Variants in FAM81A observed in about 807,000 individuals in gnomAD.
FAM81A encodes the protein protein FAM81A.
FAM81A carries 19 observed loss-of-function variants against 46.7 expected under a neutral mutation model. That is an observed-to-expected ratio of 0.41 (90% CI 0.28 to 0.60). The LOEUF (loss-of-function observed/expected upper bound fraction) is 0.60, where lower values mean the gene tolerates loss of function less well. Among genes scored for constraint, FAM81A ranks in the 20% least tolerant of loss-of-function variants. The pLI, the probability that FAM81A is intolerant of heterozygous loss-of-function variation, is 0.34. For missense variants in FAM81A, 377 were observed against 453.5 expected (o/e 0.83, Z 1.53); for synonymous variants, 183 against 152.9 (o/e 1.20, Z -1.45).
intron 3 of FAM81A, among the ~76,000 whole-genome samples, chr15:59,473,888 G>A (rs1229269918): frequency 1.3e-5 from 2 of 152,114 alleles, no homozygotes; most frequent in Non-Finnish European, 2.9e-5. Context: ...TGTTGCCCAG[G>A]CTGGTCTTGA....
intron 7 of FAM81A, 85 bp from the exon 8 acceptor site, chr15:59,516,560 T>C (rs2082268995): frequency 7.4e-7 from 1 of 1,354,478 alleles, no homozygotes; most frequent in Non-Finnish European, 1.0e-6. Context: ...TTGCAGATTG[T>C]TGTTAAACGA....
chr15:59,490,916 A>G (rs1860909915), intron 3 of FAM81A, among the ~76,000 whole-genome samples: 1 of 152,186 alleles, frequency 6.6e-6, no homozygotes, highest in South Asian at 2.1e-4. Flanking sequence ...GGCAATATCA[A>G]ATGCTGGCAA....
At chr15:59,502,173 T>C (rs1338601626) in intron 4 of FAM81A, among the ~76,000 whole-genome samples, 1 of 151,376 alleles carries the variant, frequency 6.6e-6, no homozygotes, top group African/African-American at 2.4e-5. Flanking sequence ...TTCTTTTTCT[T>C]TTTTTATTTT....
intron 2 of FAM81A, among the ~76,000 whole-genome samples, chr15:59,412,658 T>C (rs550530212): frequency 6.6e-6 from 1 of 151,660 alleles, no homozygotes; most frequent in East Asian, 1.9e-4. Flanking sequence ...GTCCAGGAGG[T>C]TGAGGCTGCA....
chr15:59,407,044 T>G (rs181865094), intron 2 of FAM81A: 1 of 166,062 alleles, frequency 6.0e-6, no homozygotes, highest in East Asian at 1.4e-4. Context: ...GCCAGGACAT[T>G]GCCTCCCCAG....
intron 4 of FAM81A, among the ~76,000 whole-genome samples, chr15:59,493,895 T>C (rs1341901771): frequency 2.0e-5 from 3 of 152,044 alleles, no homozygotes. Context: ...GCCTCCTCCT[T>C]CTTTTCTAAC....
intron 8 of FAM81A, among the ~76,000 whole-genome samples, chr15:59,520,613 G>C (rs1228031684): frequency 6.7e-6 from 1 of 149,336 alleles, no homozygotes; most frequent in African/African-American, 2.5e-5. Flanking sequence ...GCCGAGGCTG[G>C]AGTGCAGTAG....
At chr15:59,502,339 C>A (rs187599125) in intron 4 of FAM81A, among the ~76,000 whole-genome samples, 115 of 151,670 alleles carry the variant, frequency 7.6e-4, no homozygotes, top group Middle Eastern at 3.4e-3. Context: ...CCGCTCCCCC[C>A]CCAACAACAG....
chr15:59,502,628 T>G (rs1459753659), intron 4 of FAM81A, among the ~76,000 whole-genome samples: 1 of 151,610 alleles, frequency 6.6e-6, no homozygotes, highest in Non-Finnish European at 1.5e-5. Flanking sequence ...ATTCTCCTGC[T>G]TCAGCCTCCC....
chr15:59,430,397 T>A (rs2081214833), intron 2 of FAM81A, among the ~76,000 whole-genome samples: 2 of 151,730 alleles, frequency 1.3e-5, no homozygotes, highest in African/African-American at 4.8e-5. Context: ...CCTGTGTAGC[T>A]GGGATTACAG....
At chr15:59,415,499 C>G (rs1405827218) in intron 2 of FAM81A, among the ~76,000 whole-genome samples, 6 of 152,144 alleles carry the variant, frequency 3.9e-5, no homozygotes, top group Admixed American at 1.3e-4. Flanking sequence ...AACAGGGAGG[C>G]AGACGAGAGG....
Position 59,507,076 on chromosome 15 carries a change from A to C in FAM81A, c.414-137A>C, listed in dbSNP as rs142869565. The C allele has an allele frequency of 7.7e-4, 894 of 1,159,126 alleles. 5 individuals are homozygous for C. In the African/African-American group the frequency reaches 0.013, roughly 17 times the overall value. The allele number at this position is 1,159,126 out of a possible 1,614,324, so 71.8% of individuals were successfully genotyped here. A position where few individuals can be genotyped will look rare whatever the true frequency, so the allele number is the denominator to read the frequency against. On this transcript the variant is annotated intron_variant, in intron 4 of 8. Coordinates refer to ENST00000288228, the MANE Select transcript of FAM81A (RefSeq NM_152450.3). ...ATAATGAGGCCAGCTCTTGGAATTC[A>C]TTTGAACCTCTGTTCAAAAGAATGA... is the stretch of plus-strand genomic sequence containing the variant.
At chr15:59,444,368 C>T (rs1251389237) in intron 1 of FAM81A, 2 of 152,138 alleles carry the variant, frequency 1.3e-5, no homozygotes, top group African/African-American at 4.8e-5. Context: ...TTTGAGAAGG[C>T]ATTTTCATGT....
intron 4 of FAM81A, among the ~76,000 whole-genome samples, chr15:59,506,549 A>G (rs746652955): frequency 6.6e-6 from 1 of 152,196 alleles, no homozygotes; most frequent in Non-Finnish European, 1.5e-5. Flanking sequence ...CTTCTTCTCA[A>G]CAGAGGAATA....
At chr15:59,421,188 G>C (rs1055829306) in intron 2 of FAM81A, among the ~76,000 whole-genome samples, 1 of 152,234 alleles carries the variant, frequency 6.6e-6, no homozygotes, top group Non-Finnish European at 1.5e-5. Context: ...ATTCCTAACA[G>C]TAGAGGGGCT....
chr15:59,468,597 CT>C (rs1298891949), intron 3 of FAM81A, among the ~76,000 whole-genome samples: 1 of 151,202 alleles, frequency 6.6e-6, no homozygotes, highest in African/African-American at 2.4e-5. Flanking sequence ...ATTCTTCTCT[CT>C]TTTCTTCTTT....
chr15:59,423,997 C>G (rs747276460), intron 2 of FAM81A, among the ~76,000 whole-genome samples: 19 of 152,170 alleles, frequency 1.2e-4, no homozygotes, highest in Non-Finnish European at 2.5e-4. Flanking sequence ...TGCGGAACTT[C>G]TTGAAAGCAT....
chr15:59,440,240 C>G (rs2081283116), intron 1 of FAM81A: 1 of 152,034 alleles, frequency 6.6e-6, no homozygotes, highest in Non-Finnish European at 1.5e-5. Flanking sequence ...TCTTTAGACT[C>G]TCTCAGATAT....
chr15:59,408,610 C>T (rs1333995037), intron 2 of FAM81A, among the ~76,000 whole-genome samples: 1 of 152,110 alleles, frequency 6.6e-6, no homozygotes. Flanking sequence ...AGGTGGATTA[C>T]GAGGTCAGGA....
Sources: gnomAD v4.1 joint callset for allele counts (sites outside exome capture counted in the v4.1 genomes callset) on GRCh38, gnomAD v4.1.1 for gene constraint, MANE v1.5 for transcripts, NCBI Gene and HGNC (gene_info 2026-07-23, HGNC 2026-07-21) for gene names.